RAB30: variants seen among roughly 807,000 people sequenced by gnomAD.
RAB30 encodes ras-related protein Rab-30.
A neutral mutation model predicts 25.1 loss-of-function variants in RAB30; 9 were observed. The observed-to-expected ratio is 0.36, with a 90% CI of 0.22 to 0.63. RAB30 has a LOEUF of 0.63. RAB30 is among the 20% of genes least tolerant of loss of function. The pLI, the probability that RAB30 is intolerant of heterozygous loss-of-function variation, is 0.69. For synonymous variants in RAB30, 77 were observed against 86.4 expected (o/e 0.89, Z 0.60); for missense variants, 140 against 243.5 (o/e 0.58, Z 2.83).
In RAB30 at chr11:82,973,623, G is replaced by A. The variant is rs1034606316; in HGVS notation, c.*8542C>T. On this transcript the variant is annotated 3_prime_UTR_variant, in exon 5 of 5. Transcript: ENST00000527633. ...ATAGAAAAATTCTTATGGATGTATT[G>A]GGGAGTTAGTCTTTATTCAGAGGTC... The A allele has an allele frequency of 6.6e-6, 1 of 152,106 alleles. No individual in the cohort carries two copies. Among genetic ancestry groups the A allele is most frequent in the African/African-American group, 2.4e-5 (1 of 41,410 alleles). The allele number at this position is 152,106 out of a possible 1,614,324, so 9.4% of individuals were successfully genotyped here.
intron 3 of RAB30, 135 bp from the exon 4 acceptor site, chr11:82,987,905 T>TAAAAAAAAAAAAAAAAAAA (rs35726383): frequency 2.8e-5 from 1 of 35,280 alleles, no homozygotes. Flanking sequence ...TTTTCTGCCC[T>TAAAAAAAAAAAAAAAAAAA]AAAAAAAAAA....
intron 1 of RAB30, among the ~76,000 whole-genome samples, chr11:83,069,638 A>C (rs960731195): frequency 6.6e-6 from 1 of 152,214 alleles, no homozygotes; most frequent in Admixed American, 6.5e-5. Context: ...AAGGAAAAAA[A>C]AAATGTATTG....
At chr11:83,011,614 C>T in intron 1 of RAB30, among the ~76,000 whole-genome samples, 1 of 152,072 alleles carries the variant, frequency 6.6e-6, no homozygotes, top group Non-Finnish European at 1.5e-5. Context: ...AGACTGAAAA[C>T]AAGAAGATAC....
Position 82,978,026 on chromosome 11 carries a change from C to G in RAB30, c.*4139G>C, listed in dbSNP as rs1856574189. Reference sequence around the variant, plus strand: ...AAGAAAGTAAAGAAAACATATCCCTCCCTTATCCCAAAATTAGTGTTTAAC... The same window carrying G: ...AAGAAAGTAAAGAAAACATATCCCTGCCTTATCCCAAAATTAGTGTTTAAC... On this transcript the variant is annotated 3_prime_UTR_variant, in exon 5 of 5. Transcript: ENST00000527633. 2 of 152,194 alleles carry G rather than the reference C, an allele frequency of 1.3e-5. No homozygotes were observed. The allele number at this position is 152,194 out of a possible 1,614,324, so 9.4% of individuals were successfully genotyped here. A position where few individuals can be genotyped will look rare whatever the true frequency, so the allele number is the denominator to read the frequency against.
chr11:83,051,614 T>C (rs542251305), intron 1 of RAB30, among the ~76,000 whole-genome samples: 2 of 152,052 alleles, frequency 1.3e-5, no homozygotes, highest in South Asian at 2.1e-4. Flanking sequence ...AACAAACTGA[T>C]GACAGTCCAC....
At chr11:83,031,575 T>G (rs1274994899) in intron 1 of RAB30, among the ~76,000 whole-genome samples, 1 of 151,448 alleles carries the variant, frequency 6.6e-6, no homozygotes, top group African/African-American at 2.4e-5. Flanking sequence ...TTGGCCAGGC[T>G]GGAGTGCAAT....
intron 1 of RAB30, among the ~76,000 whole-genome samples, chr11:83,020,303 A>T (rs968883896): frequency 2.6e-5 from 4 of 152,120 alleles, no homozygotes; most frequent in African/African-American, 9.7e-5. Flanking sequence ...CCCACTCCTT[A>T]TGCCTGCTCT....
At chr11:82,983,541 C>T (rs563163416) in intron 4 of RAB30, among the ~76,000 whole-genome samples, 1 of 152,272 alleles carries the variant, frequency 6.6e-6, no homozygotes, top group African/African-American at 2.4e-5. Context: ...GCCATCTTCT[C>T]CCACCTCAGC....
rs141803644 is a variant in RAB30 at position 82,987,386 on chromosome 11, T to C, written c.361+201A>G. 2.8e-5 allele frequency: 12 copies of C among 434,498 alleles called. No individual in the cohort carries two copies. In the East Asian group the frequency reaches 4.5e-4, roughly 16 times the overall value. 26.9% of individuals were successfully genotyped at this position (434,498 alleles called of 1,614,324 possible). Reference sequence around the variant, plus strand: ...AGAGCCTACATTGATAGAAAATGTTTTCTACTTTATTTTTCTAAACTGTCA... The same window carrying C: ...AGAGCCTACATTGATAGAAAATGTTCTCTACTTTATTTTTCTAAACTGTCA... On this transcript the variant is annotated intron_variant, in intron 4 of 4. Coordinates refer to ENST00000527633, the MANE Select transcript of RAB30 (RefSeq NM_001286060.2).
At chr11:82,995,020 A>G (rs1217178471) in intron 2 of RAB30, among the ~76,000 whole-genome samples, 2 of 152,268 alleles carry the variant, frequency 1.3e-5, no homozygotes, top group Non-Finnish European at 2.9e-5. Flanking sequence ...TAACAAAGGT[A>G]CAAGTATAAT....
At position 82,976,373 on chromosome 11, in the gene RAB30, G is replaced by A. The variant is rs1336300978; in HGVS notation, c.*5792C>T. 1.3e-5 allele frequency: 2 copies of A among 152,158 alleles called. No individual in the cohort carries two copies. The highest frequency in any genetic ancestry group is 4.8e-5 in the African/African-American group (2 of 41,438). The allele number at this position is 152,158 out of a possible 1,614,324, so 9.4% of individuals were successfully genotyped here. On this transcript the variant is annotated 3_prime_UTR_variant, in exon 5 of 5. Coordinates refer to ENST00000527633, the MANE Select transcript of RAB30 (RefSeq NM_001286060.2). ...GACAGGTCTATCTCATAGATGAGAA[G>A]ATTGATGCTCAAATATTGTGCTTCG...
intron 1 of RAB30, among the ~76,000 whole-genome samples, chr11:83,020,558 C>T (rs545851253): frequency 1.3e-5 from 2 of 152,312 alleles, no homozygotes; most frequent in South Asian, 4.1e-4. Flanking sequence ...CAGAAGGGGG[C>T]GAGTCCCTGT....
intron 1 of RAB30, among the ~76,000 whole-genome samples, chr11:83,009,733 A>G (rs577535194): frequency 6.6e-6 from 1 of 152,378 alleles, no homozygotes; most frequent in East Asian, 1.9e-4. Flanking sequence ...CAGGAATGGC[A>G]TCCAAACATT....
intron 1 of RAB30, among the ~76,000 whole-genome samples, chr11:83,004,934 C>A (rs1857156167): frequency 1.3e-5 from 2 of 152,122 alleles, no homozygotes; most frequent in Admixed American, 1.3e-4. Flanking sequence ...CAATTACTAA[C>A]CATTACTATA....
chr11:83,034,584 A>G (rs1370254518), intron 1 of RAB30: 1 of 152,224 alleles, frequency 6.6e-6, no homozygotes, highest in African/African-American at 2.4e-5. Flanking sequence ...ATTTAAAAAA[A>G]AACAAAAAGT....
At chr11:83,003,458 T>C (rs976711411) in intron 1 of RAB30, among the ~76,000 whole-genome samples, 9 of 152,210 alleles carry the variant, frequency 5.9e-5, no homozygotes, top group African/African-American at 2.2e-4. Context: ...ATTTTGCTCC[T>C]GTTGCCCAGG....
chr11:83,035,879 A>G (rs1484068312), intron 1 of RAB30, among the ~76,000 whole-genome samples: 1 of 152,184 alleles, frequency 6.6e-6, no homozygotes, highest in African/African-American at 2.4e-5. Flanking sequence ...TGGATCACAC[A>G]CACACAGGCA....
chr11:83,049,442 G>T, intron 1 of RAB30, among the ~76,000 whole-genome samples: 1 of 139,892 alleles, frequency 7.1e-6, no homozygotes, highest in Non-Finnish European at 1.5e-5. Context: ...CATTTGCCTG[G>T]TTTTTCTGGG....
chr11:82,984,406 G>C (rs553738514), intron 4 of RAB30, among the ~76,000 whole-genome samples: 2 of 152,262 alleles, frequency 1.3e-5, no homozygotes, highest in Non-Finnish European at 2.9e-5. Flanking sequence ...TACTAGAATC[G>C]TCTGGGGGTT....
Sources: allele counts gnomAD v4.1 joint callset (sites outside exome capture counted in the v4.1 genomes callset), GRCh38; gene constraint gnomAD v4.1.1; transcripts MANE v1.5; gene names NCBI Gene and HGNC (gene_info 2026-07-23, HGNC 2026-07-21).